SENP6: variants seen among roughly 807,000 people sequenced by gnomAD.
SENP6 encodes SUMO specific peptidase 6.
SENP6 carries 41 observed loss-of-function variants against 134.5 expected under a neutral mutation model. The observed-to-expected ratio is 0.30, with a 90% CI of 0.24 to 0.40. SENP6 has a LOEUF of 0.40. Ranked by LOEUF, SENP6 falls within the 10% of genes least tolerant of loss-of-function variation. The probability of loss-of-function intolerance (pLI) is 1.00; values close to 1 mark genes in which losing one functional copy is unlikely to be tolerated. For synonymous variants in SENP6, 395 were observed against 429.8 expected (o/e 0.92, Z 1.00); for missense variants, 1,248 against 1,312.5 (o/e 0.95, Z 0.76).
chr6:75,697,629 C>G (rs1774745338), intron 18 of SENP6, 112 bp downstream of exon 18: 1 of 714,526 alleles, frequency 1.4e-6, no homozygotes, highest in Non-Finnish European at 2.4e-6. Flanking sequence ...TCTGAAATCT[C>G]TTGTGTATAT....
chr6:75,713,628 G>T, intron 22 of SENP6, 47 bp downstream of exon 22: 2 of 1,592,850 alleles, frequency 1.3e-6, no homozygotes, highest in Non-Finnish European at 1.7e-6. Flanking sequence ...GAAGAACTAT[G>T]TATATTTATA....
intron 7 of SENP6, among the ~76,000 whole-genome samples, 187 bp from the exon 8 acceptor site, chr6:75,659,075 G>A (rs1020746476): frequency 2.0e-5 from 3 of 150,732 alleles, no homozygotes; most frequent in Non-Finnish European, 2.9e-5. Flanking sequence ...ATAAAGTGAA[G>A]AGGATATTGA....
intron 8 of SENP6, among the ~76,000 whole-genome samples, chr6:75,662,287 T>C (rs1771842304): frequency 6.6e-6 from 1 of 151,542 alleles, no homozygotes; most frequent in Admixed American, 6.6e-5. Flanking sequence ...TTTAATCAGT[T>C]TTTTTTTTCT....
intron 8 of SENP6, among the ~76,000 whole-genome samples, chr6:75,660,945 C>T (rs892488200): frequency 2.6e-5 from 4 of 151,998 alleles, no homozygotes; most frequent in African/African-American, 9.7e-5. Flanking sequence ...TTTTGTATTT[C>T]TGTCTCAGCC....
chr6:75,638,590 GTATATA>G (rs1210762229), intron 5 of SENP6, among the ~76,000 whole-genome samples: 42 of 61,548 alleles, frequency 6.8e-4, no homozygotes, highest in African/African-American at 2.0e-3. Context: ...GTGTGTGTGT[GTATATA>G]TATATATATA....
At chr6:75,653,531 T>C (rs1771078204) in intron 7 of SENP6, among the ~76,000 whole-genome samples, 1 of 152,190 alleles carries the variant, frequency 6.6e-6, no homozygotes, top group South Asian at 2.1e-4. Flanking sequence ...TTTAACAGCA[T>C]TATTTTATTA....
At chr6:75,702,306 C>T (rs1775090553) in intron 18 of SENP6, among the ~76,000 whole-genome samples, 1 of 151,566 alleles carries the variant, frequency 6.6e-6, no homozygotes, top group African/African-American at 2.4e-5. Context: ...CAACCTCTGC[C>T]TCTTGGGTTC....
At chr6:75,619,635 T>C (rs926829772) in intron 1 of SENP6, among the ~76,000 whole-genome samples, 1 of 152,130 alleles carries the variant, frequency 6.6e-6, no homozygotes, top group Admixed American at 6.5e-5. Flanking sequence ...TCCCTAGAAG[T>C]GAAATTGCTA....
intron 20 of SENP6, 66 bp downstream of exon 20, chr6:75,709,696 A>C: frequency 1.8e-6 from 2 of 1,131,364 alleles, no homozygotes; most frequent in South Asian, 2.6e-5. Flanking sequence ...CTTGCTGAAC[A>C]TGGTGGTGCA....
intron 6 of SENP6, chr6:75,644,031 G>C (rs1770233147): frequency 6.6e-6 from 1 of 152,090 alleles, no homozygotes; most frequent in African/African-American, 2.4e-5. Flanking sequence ...TGATAGGTAA[G>C]ACACAGAATG....
intron 8 of SENP6, among the ~76,000 whole-genome samples, chr6:75,662,656 G>A (rs1442864510): frequency 6.6e-6 from 1 of 152,090 alleles, no homozygotes. Flanking sequence ...AGAGTTCCAA[G>A]ATAAATGTTT....
intron 1 of SENP6, among the ~76,000 whole-genome samples, chr6:75,609,797 T>C (rs1268733131): frequency 3.3e-5 from 5 of 152,016 alleles, no homozygotes; most frequent in Non-Finnish European, 7.4e-5. Flanking sequence ...TGAGATGGAG[T>C]AGATGGAGTC....
intron 3 of SENP6, among the ~76,000 whole-genome samples, chr6:75,626,500 A>C (rs188101004): frequency 1.7e-4 from 26 of 152,224 alleles, no homozygotes; most frequent in Admixed American, 1.3e-3. Flanking sequence ...ATAGTACTTC[A>C]TTGGATGGAT....
chr6:75,619,290 A>T (rs150339880), intron 1 of SENP6, among the ~76,000 whole-genome samples: 87 of 152,162 alleles, frequency 5.7e-4, no homozygotes, highest in African/African-American at 2.0e-3. Context: ...CTATGAATTT[A>T]CCTATTCTGG....
chr6:75,656,229 A>G (rs1344450026), intron 7 of SENP6, among the ~76,000 whole-genome samples: 1 of 152,056 alleles, frequency 6.6e-6, no homozygotes, highest in Non-Finnish European at 1.5e-5. Context: ...AAAAAAAAAA[A>G]AAAGAATACA....
At chr6:75,617,375 G>C (rs562493798) in intron 1 of SENP6, among the ~76,000 whole-genome samples, 1 of 142,430 alleles carries the variant, frequency 7.0e-6, no homozygotes, top group African/African-American at 2.6e-5. Flanking sequence ...CTGGGTTCAA[G>C]TGATTCTCCT....
intron 1 of SENP6, among the ~76,000 whole-genome samples, chr6:75,619,655 G>A (rs545399325): frequency 2.0e-5 from 3 of 152,086 alleles, no homozygotes; most frequent in South Asian, 2.1e-4. Flanking sequence ...AGCTCGTAGG[G>A]TAATTCTATG....
At chr6:75,609,891 A>G (rs936479565) in intron 1 of SENP6, among the ~76,000 whole-genome samples, 3 of 152,050 alleles carry the variant, frequency 2.0e-5, no homozygotes, top group Non-Finnish European at 2.9e-5. Flanking sequence ...AGGTTCAAGC[A>G]ATTCTGCTTC....
rs754028050 is a variant in SENP6 at position 75,677,235 on chromosome 6, A to G, written c.1827A>G (p.Gln609=). 6.3e-7 allele frequency: 1 copy of G among 1,585,040 alleles called. No individual in the cohort carries two copies. Among genetic ancestry groups the G allele is most frequent in the Non-Finnish European group, 8.6e-7 (1 of 1,167,414 alleles). Reference sequence around the variant, plus strand: ...AGAGCATCAAAGGAAGTTGTGGGCAAAAGGAAAACAAAATTAAAACTGTAA... The same window carrying G: ...AGAGCATCAAAGGAAGTTGTGGGCAGAAGGAAAACAAAATTAAAACTGTAA... ...YEESIKGSCG[Q]KENKIKTVSF... is the part of the protein sequence containing the mutation. The change falls in exon 14 of 24, where the codon CAA becomes CAG. Residue 609 remains glutamine, a synonymous_variant. Coordinates refer to ENST00000447266, the MANE Select transcript of SENP6 (RefSeq NM_015571.4).
Sources: gnomAD v4.1 joint callset for allele counts (sites outside exome capture counted in the v4.1 genomes callset) on GRCh38, gnomAD v4.1.1 for gene constraint, MANE v1.5 for transcripts, NCBI Gene and HGNC (gene_info 2026-07-23, HGNC 2026-07-21) for gene names.